Variants in CACNA1S observed in about 807,000 individuals in gnomAD.
The protein encoded by CACNA1S is voltage-dependent L-type calcium channel subunit alpha-1S.
Under a neutral mutation model 207.4 loss-of-function variants are expected in CACNA1S, and 126 were observed. The observed-to-expected ratio is 0.61, with a 90% CI of 0.53 to 0.70. The LOEUF is 0.70. CACNA1S is among the 30% of genes least tolerant of loss of function. The pLI, the probability that CACNA1S is intolerant of heterozygous loss-of-function variation, is 0.00. For missense variants in CACNA1S, 2,349 were observed against 2,422.8 expected (o/e 0.97, Z 0.64); for synonymous variants, 960 against 932.7 (o/e 1.03, Z -0.53).
rs375919164 is a variant in CACNA1S, at chr1:201,060,665, C to G, written c.3407G>C (p.Gly1136Ala). ...ALIMLNTICL[G>A]MQHYNQSEQM... ...CTCCTGGGGAGCCCTTACCTGCATG[C>G]CGAGGCAGATGGTGTTGAGCATGAT... is the stretch of plus-strand genomic sequence containing the variant. The change falls in exon 26 of 44, where the codon GGC becomes GCC. Residue 1136 changes from glycine (G) to alanine (A), a missense_variant. Transcript: ENST00000362061. The G allele has an allele frequency of 6.2e-7, 1 of 1,614,044 alleles. No individual in the cohort carries two copies.
chr1:201,110,031 T>C, intron 2 of CACNA1S, 133 bp downstream of exon 2: 2 of 817,028 alleles, frequency 2.4e-6, no homozygotes, highest in Non-Finnish European at 4.3e-6. Flanking sequence ...TGCAGGTGGC[T>C]GGGGATGCAG....
intron 36 of CACNA1S, 43 bp from the exon 37 acceptor site, chr1:201,047,669 T>C: frequency 7.6e-7 from 1 of 1,322,806 alleles, no homozygotes; most frequent in Non-Finnish European, 1.1e-6. Flanking sequence ...TCACACCAAC[T>C]GCACTTGACA....
At chr1:201,092,982 C>G (rs1321244951) in intron 3 of CACNA1S, among the ~76,000 whole-genome samples, 1 of 152,194 alleles carries the variant, frequency 6.6e-6, no homozygotes, top group Non-Finnish European at 1.5e-5. Context: ...CTTTTCTGTT[C>G]TTTAGCCTCC....
intron 8 of CACNA1S, 80 bp downstream of exon 8, chr1:201,085,356 T>C (rs1662002448): frequency 1.9e-6 from 3 of 1,580,142 alleles, no homozygotes; most frequent in Admixed American, 3.3e-5. Flanking sequence ...ACTTGCTCAG[T>C]GGGCCTGATT....
At chr1:201,093,730 T>C in intron 3 of CACNA1S, 152 bp downstream of exon 3, 1 of 930,640 alleles carries the variant, frequency 1.1e-6, no homozygotes, top group Non-Finnish European at 1.7e-6. Flanking sequence ...ACAGCTCCCT[T>C]GCTGGGCCGG....
At chr1:201,090,820 C>T (rs1394741596) in intron 5 of CACNA1S, among the ~76,000 whole-genome samples, 1 of 152,194 alleles carries the variant, frequency 6.6e-6, no homozygotes, top group African/African-American at 2.4e-5. Flanking sequence ...GTCCAGCAGC[C>T]TCTATCAAGC....
Position 201,065,942 on chromosome 1 carries a change from C to T in CACNA1S, c.2749G>A (p.Val917Met), listed in dbSNP as rs751833750. 1.7e-5 allele frequency: 27 copies of T among 1,607,584 alleles called. No homozygotes were observed. The highest frequency in any genetic ancestry group is 5.3e-5 in the African/African-American group (4 of 74,800). ...AINRAKGLKHVVQCMFVAIST... is the reference protein window; with the variant it reads ...AINRAKGLKHMVQCMFVAIST... Reference sequence around the variant, plus strand: ...ATGGCCACGAACATGCACTGCACCACGTGCTGGGGACAGAGGGGCCAATGG... The same window carrying T: ...ATGGCCACGAACATGCACTGCACCATGTGCTGGGGACAGAGGGGCCAATGG... The change falls in exon 22 of 44, where the codon GTG becomes ATG. Residue 917 changes from valine (V) to methionine (M), a missense_variant. Transcript: ENST00000362061.
chr1:201,052,888 C>A (rs1445994063), intron 31 of CACNA1S, among the ~76,000 whole-genome samples: 1 of 152,002 alleles, frequency 6.6e-6, no homozygotes, highest in Admixed American at 6.6e-5. Flanking sequence ...CAGCAGCAAG[C>A]AGACCCGGTA....
rs116136824 is a variant in CACNA1S, at chr1:201,095,296, C to T, written c.259-1275G>A. Among the ~76,000 whole-genome samples the T allele has an allele frequency of 5.7e-3, 864 of 152,202 alleles. 5 individuals are homozygous for T. The highest frequency in any genetic ancestry group is 0.02 in the African/African-American group (817 of 41,506). On this transcript the variant is annotated intron_variant, in intron 2 of 43. Coordinates refer to ENST00000362061, the MANE Select transcript of CACNA1S (RefSeq NM_000069.3). ...CCCAGCCCCCATCACCATTAGTCTG[C>T]AACACTCACACCCATGGAAGCATCT...
rs1221730566 is a variant in CACNA1S, at chr1:201,075,580, G to A, written c.1863C>T (p.Tyr621=). 1 of 1,614,082 alleles carries A rather than the reference G, an allele frequency of 6.2e-7. No homozygotes were observed. The highest frequency in any genetic ancestry group is 8.5e-7 in the Non-Finnish European group (1 of 1,179,964). ...LTGEDWTSMM[Y]NGIMAYGGPS... ...GCCCGCCGTAGGCCATGATCCCATT[G>A]TACATCATTGAGGTCCAGTCTTCCC... Residue 621 remains tyrosine, a synonymous_variant, in exon 13 of 44, where the codon TAC becomes TAT. Transcript: ENST00000362061.
chr1:201,055,679 T>C (rs1572030569), intron 28 of CACNA1S, among the ~76,000 whole-genome samples: 1 of 152,352 alleles, frequency 6.6e-6, no homozygotes, highest in South Asian at 2.1e-4. Context: ...TTTCTGTCCT[T>C]GCAGAAAGTT....
At chr1:201,105,995 A>G (rs901145299) in intron 2 of CACNA1S, among the ~76,000 whole-genome samples, 1 of 151,858 alleles carries the variant, frequency 6.6e-6, no homozygotes, top group Admixed American at 6.6e-5. Flanking sequence ...TTGGACCTGC[A>G]AATCCAATTA....
chr1:201,070,528 G>A, intron 16 of CACNA1S, 124 bp from the exon 17 acceptor site: 1 of 1,305,396 alleles, frequency 7.7e-7, no homozygotes, highest in Non-Finnish European at 1.1e-6. Context: ...AGGCTGACTT[G>A]GGACCCTAGG....
At chr1:201,093,674 C>A (rs1408196425) in intron 3 of CACNA1S, among the ~76,000 whole-genome samples, 1 of 152,182 alleles carries the variant, frequency 6.6e-6, no homozygotes, top group Non-Finnish European at 1.5e-5. Flanking sequence ...GGAGATTTGA[C>A]CTGCGGGCAG....
intron 40 of CACNA1S, 32 bp downstream of exon 40, chr1:201,043,249 C>G (rs373792333): frequency 1.9e-6 from 3 of 1,613,918 alleles, no homozygotes; most frequent in Non-Finnish European, 1.7e-6. Flanking sequence ...CCCAGTACCT[C>G]TACACCCAGG....
intron 2 of CACNA1S, among the ~76,000 whole-genome samples, chr1:201,103,669 A>G (rs745847696): frequency 1.6e-4 from 25 of 152,154 alleles, no homozygotes; most frequent in Non-Finnish European, 3.1e-4. Context: ...CCCAGGCTCA[A>G]ACCACCCTGT....
At chr1:201,059,450 C>T in intron 26 of CACNA1S, 151 bp from the exon 27 acceptor site, 1 of 588,514 alleles carries the variant, frequency 1.7e-6, no homozygotes. Flanking sequence ...AAACTAGAAG[C>T]TGCTTTAGCA....
Position 201,066,445 on chromosome 1 carries a change from C to T in CACNA1S, c.2658-129G>A. The T allele has an allele frequency of 1.3e-6, 1 of 794,276 alleles. No individual in the cohort carries two copies. 49.2% of individuals were successfully genotyped at this position (794,276 alleles called of 1,614,324 possible). ...TCTGCCTGAAAACACTCCCACCTTCCCCTTCCCTTTCCTCCAGCCGTGAGA... is the reference window on the plus strand; with the variant it reads ...TCTGCCTGAAAACACTCCCACCTTCTCCTTCCCTTTCCTCCAGCCGTGAGA... On this transcript the variant is annotated intron_variant, in intron 20 of 43. Coordinates refer to ENST00000362061, the MANE Select transcript of CACNA1S (RefSeq NM_000069.3). This position sits in a 1 kb window ranked among gnomAD's most constrained non-coding sequence, Gnocchi z 4.3.
intron 19 of CACNA1S, among the ~76,000 whole-genome samples, chr1:201,067,281 G>A (rs1661281990): frequency 6.6e-6 from 1 of 152,128 alleles, no homozygotes; most frequent in Non-Finnish European, 1.5e-5. Flanking sequence ...ACAGAGTGGG[G>A]GAGCCCTGGC....
Sources: allele counts gnomAD v4.1 joint callset (sites outside exome capture counted in the v4.1 genomes callset), GRCh38; gene constraint gnomAD v4.1.1; non-coding constraint Gnocchi (gnomAD v3.1); transcripts MANE v1.5; gene names NCBI Gene and HGNC (gene_info 2026-07-23, HGNC 2026-07-21).